MEIKIN: variants seen among roughly 807,000 people sequenced by gnomAD.
MEIKIN encodes meiotic kinetochore factor, also known as meiosis-specific kinetochore protein.
At chr5:131,883,087 G>T (rs1750725523) in intron 8 of MEIKIN, among the ~76,000 whole-genome samples, 1 of 151,974 alleles carries the variant, frequency 6.6e-6, no homozygotes, top group Non-Finnish European at 1.5e-5. Flanking sequence ...TGTTCTATTA[G>T]GGCAAGGATA....
intron 7 of MEIKIN, among the ~76,000 whole-genome samples, chr5:131,915,803 A>T (rs538968763): frequency 1.1e-4 from 17 of 148,124 alleles, no homozygotes; most frequent in South Asian, 1.1e-3. Flanking sequence ...TGAGTTATTT[A>T]AAAAAAAAAA....
Position 131,807,096 on chromosome 5 carries a change from C to T in MEIKIN, c.*140G>A. 2.5e-6 allele frequency: 1 copy of T among 394,216 alleles called. No individual in the cohort carries two copies. The highest frequency in any genetic ancestry group is 4.5e-6 in the Non-Finnish European group (1 of 223,896). 24.4% of individuals were successfully genotyped at this position (394,216 alleles called of 1,614,324 possible). ...AATGACAAGAACCTCAGTAGAATTT[C>T]AACATAGAGATATATCACAAATAAC... On this transcript the variant is annotated 3_prime_UTR_variant, in exon 13 of 13. Coordinates refer to ENST00000442687, the MANE Select transcript of MEIKIN (RefSeq NM_001303622.2).
chr5:131,863,413 T>C (rs962963580), intron 9 of MEIKIN, among the ~76,000 whole-genome samples: 2 of 152,220 alleles, frequency 1.3e-5, no homozygotes, highest in African/African-American at 2.4e-5. Context: ...CCCCCATTAC[T>C]ATATTGGATT....
intron 7 of MEIKIN, 82 bp downstream of exon 7, chr5:131,916,804 G>A (rs1751421572): frequency 5.1e-6 from 2 of 392,150 alleles, no homozygotes; most frequent in East Asian, 7.3e-5. Context: ...CTGAGTTTGT[G>A]GACTAACAAT....
intron 4 of MEIKIN, among the ~76,000 whole-genome samples, chr5:131,934,848 G>A (rs1410931072): frequency 6.6e-6 from 1 of 151,624 alleles, no homozygotes. Context: ...ACGAGGTCAA[G>A]AGATAGAGAC....
intron 8 of MEIKIN, 70 bp from the exon 9 acceptor site, chr5:131,879,118 G>C: frequency 2.5e-6 from 1 of 397,148 alleles, no homozygotes; most frequent in Non-Finnish European, 4.4e-6. Context: ...CAAAGGACAA[G>C]AGAATTCAAA....
At chr5:131,838,697 TA>T (rs1443761373) in intron 11 of MEIKIN, among the ~76,000 whole-genome samples, 4 of 152,142 alleles carry the variant, frequency 2.6e-5, no homozygotes, top group Admixed American at 2.6e-4. Flanking sequence ...CCAGTGTTAA[TA>T]TCCCTTTTGT....
chr5:131,829,855 A>C (rs1749683010), intron 11 of MEIKIN, among the ~76,000 whole-genome samples: 2 of 152,284 alleles, frequency 1.3e-5, no homozygotes, highest in South Asian at 2.1e-4. Flanking sequence ...TGCCTCCCCT[A>C]ATGGCTGTGG....
intron 12 of MEIKIN, among the ~76,000 whole-genome samples, chr5:131,815,135 A>G (rs998512480): frequency 6.6e-6 from 1 of 151,936 alleles, no homozygotes; most frequent in African/African-American, 2.4e-5. Context: ...TATTCCATAC[A>G]ACATTGCTTC....
At position 131,824,715 on chromosome 5, in the gene MEIKIN, T is replaced by A. The variant is rs1749581404; in HGVS notation, c.976-5852A>T. ...ACTATAACAAATAAATGAAAAATAT[T>A]GAACAGAGGTTCAACGATATGGAGG... is the stretch of plus-strand genomic sequence containing the variant. On this transcript the variant is annotated intron_variant, in intron 11 of 12. Coordinates refer to ENST00000442687, the MANE Select transcript of MEIKIN (RefSeq NM_001303622.2). 2.0e-5 allele frequency among the ~76,000 whole-genome samples: 3 copies of A among 152,190 alleles called. No individual in the cohort carries two copies. In the South Asian group the frequency reaches 6.2e-4, roughly 32 times the overall value.
chr5:131,837,729 G>A lies in MEIKIN; in HGVS notation c.975+13535C>T, dbSNP rs759818871. Among the ~76,000 whole-genome samples the A allele has an allele frequency of 7.5e-4, 114 of 152,234 alleles. 1 individual carries two copies. Among genetic ancestry groups the A allele is most frequent in the Non-Finnish European group, 1.4e-3 (96 of 67,972 alleles). Reference sequence around the variant, plus strand: ...TTTTGTATCCTGAGAGTTTGCTGAAGTTGTTTATTAGCTTAAGGAGCTTTT... The same window carrying A: ...TTTTGTATCCTGAGAGTTTGCTGAAATTGTTTATTAGCTTAAGGAGCTTTT... On this transcript the variant is annotated intron_variant, in intron 11 of 12. Coordinates refer to ENST00000442687, the MANE Select transcript of MEIKIN (RefSeq NM_001303622.2).
intron 4 of MEIKIN, among the ~76,000 whole-genome samples, chr5:131,939,815 C>T (rs185167102): frequency 5.3e-4 from 80 of 152,270 alleles, no homozygotes; most frequent in African/African-American, 1.9e-3. Flanking sequence ...ATACCTTTCA[C>T]GTGTCAACTT....
At chr5:131,853,563 G>A (rs533791366) in intron 10 of MEIKIN, among the ~76,000 whole-genome samples, 1 of 152,286 alleles carries the variant, frequency 6.6e-6, no homozygotes, top group South Asian at 2.1e-4. Flanking sequence ...TCAACAGAGT[G>A]AAAAGGCAAC....
At chr5:131,807,927 G>T (rs1772876191) in intron 12 of MEIKIN, among the ~76,000 whole-genome samples, 1 of 152,134 alleles carries the variant, frequency 6.6e-6, no homozygotes, top group Admixed American at 6.5e-5. Flanking sequence ...ATACCAATTA[G>T]ATAAGGGACC....
intron 8 of MEIKIN, among the ~76,000 whole-genome samples, chr5:131,881,898 G>C (rs535535334): frequency 1.1e-4 from 16 of 152,210 alleles, no homozygotes; most frequent in African/African-American, 3.9e-4. Context: ...GTATATACAT[G>C]TGTGTTCTTT....
At chr5:131,894,627 T>C (rs571880467) in intron 8 of MEIKIN, among the ~76,000 whole-genome samples, 1 of 152,292 alleles carries the variant, frequency 6.6e-6, no homozygotes, top group African/African-American at 2.4e-5. Flanking sequence ...CCCTTGTAAG[T>C]TGGATTCCTA....
chr5:131,814,121 C>T lies in MEIKIN; in HGVS notation c.1099+4619G>A, dbSNP rs1260347211. ...CCCACCAAATTGAGGGTGAGTCTGCCTCTCCCAGTCCACTGACTCAAATGT... is the reference window on the plus strand; with the variant it reads ...CCCACCAAATTGAGGGTGAGTCTGCTTCTCCCAGTCCACTGACTCAAATGT... On this transcript the variant is annotated intron_variant, in intron 12 of 12. Coordinates refer to ENST00000442687, the MANE Select transcript of MEIKIN (RefSeq NM_001303622.2). 2.0e-5 allele frequency among the ~76,000 whole-genome samples: 3 copies of T among 152,044 alleles called. No individual in the cohort carries two copies. In the East Asian group the frequency reaches 5.8e-4, roughly 29 times the overall value.
intron 11 of MEIKIN, among the ~76,000 whole-genome samples, chr5:131,824,554 A>T (rs1749578100): frequency 6.6e-6 from 1 of 152,056 alleles, no homozygotes; most frequent in Non-Finnish European, 1.5e-5. Context: ...CAAAACAATA[A>T]CCAGGAATGG....
At chr5:131,906,055 C>G (rs1383326535) in intron 8 of MEIKIN, among the ~76,000 whole-genome samples, 1 of 152,110 alleles carries the variant, frequency 6.6e-6, no homozygotes, top group Non-Finnish European at 1.5e-5. Context: ...AGAGCTTCTG[C>G]ACAGCAAAAG....
Sources: gnomAD v4.1 joint callset for allele counts (sites outside exome capture counted in the v4.1 genomes callset) on GRCh38, gnomAD v4.1.1 for gene constraint, MANE v1.5 for transcripts, NCBI Gene and HGNC (gene_info 2026-07-23, HGNC 2026-07-21) for gene names.